HDAC9: variants seen among roughly 807,000 people sequenced by gnomAD.
HDAC9 encodes the protein histone deacetylase 9, also known as MEF-2 interacting transcription repressor (MITR) protein.
A neutral mutation model predicts 139.4 loss-of-function variants in HDAC9; 41 were observed. The observed-to-expected ratio is 0.29, with a 90% CI of 0.23 to 0.38. The LOEUF is 0.38. Among genes scored for constraint, HDAC9 ranks in the 10% least tolerant of loss-of-function variants. The probability of loss-of-function intolerance (pLI) is 1.00; values close to 1 mark genes in which losing one functional copy is unlikely to be tolerated. For missense variants in HDAC9, 1,147 were observed against 1,297.0 expected (o/e 0.88, Z 1.78); for synonymous variants, 517 against 476.2 (o/e 1.09, Z -1.12).
intron 14 of HDAC9, among the ~76,000 whole-genome samples, chr7:18,758,349 AATTAAG>A (rs1464516952): frequency 1.3e-5 from 2 of 152,166 alleles, no homozygotes; most frequent in African/African-American, 4.8e-5. Flanking sequence ...GTACTCCCTA[AATTAAG>A]ATTATCAGAA....
At chr7:18,617,711 A>T (rs984424701) in intron 6 of HDAC9, among the ~76,000 whole-genome samples, 1 of 152,194 alleles carries the variant, frequency 6.6e-6, no homozygotes, top group African/African-American at 2.4e-5. Flanking sequence ...TGAGGACAGT[A>T]TCTTTAGCCT....
intron 22 of HDAC9, among the ~76,000 whole-genome samples, chr7:18,919,543 T>A (rs1259982241): frequency 6.6e-6 from 1 of 152,038 alleles, no homozygotes; most frequent in Non-Finnish European, 1.5e-5. Flanking sequence ...TACAGCCACC[T>A]GATAAAAACA....
intron 2 of HDAC9, among the ~76,000 whole-genome samples, chr7:18,253,452 G>C (rs1795051574): frequency 6.6e-6 from 1 of 152,068 alleles, no homozygotes; most frequent in African/African-American, 2.4e-5. Flanking sequence ...ATTCTTAATG[G>C]TATGAGATGG....
chr7:18,524,967 A>G (rs893824966), intron 2 of HDAC9, among the ~76,000 whole-genome samples: 1 of 152,112 alleles, frequency 6.6e-6, no homozygotes, highest in Non-Finnish European at 1.5e-5. Context: ...TTCTAAATGT[A>G]GTATAATGAT....
intron 17 of HDAC9, among the ~76,000 whole-genome samples, chr7:18,798,926 T>G (rs1284772358): frequency 6.6e-6 from 1 of 152,056 alleles, no homozygotes; most frequent in East Asian, 1.9e-4. Flanking sequence ...AGGAAAGACC[T>G]GAAAAGGCCC....
At chr7:18,311,252 C>G (rs1244891899) in intron 1 of HDAC9, among the ~76,000 whole-genome samples, 2 of 151,810 alleles carry the variant, frequency 1.3e-5, no homozygotes, top group East Asian at 1.9e-4. Flanking sequence ...ATGACAAAAG[C>G]CTTTAACCTT....
chr7:18,936,909 C>A (rs1045925574), intron 23 of HDAC9, among the ~76,000 whole-genome samples: 1 of 151,496 alleles, frequency 6.6e-6, no homozygotes, highest in Non-Finnish European at 1.5e-5. Context: ...ATTTTACAAA[C>A]CTGTAATGTT....
At chr7:18,634,287 T>C (rs1160675395) in intron 7 of HDAC9, among the ~76,000 whole-genome samples, 4 of 152,148 alleles carry the variant, frequency 2.6e-5, no homozygotes, top group Non-Finnish European at 4.4e-5. Flanking sequence ...TTACTGTTAT[T>C]TTCTGTAATA....
intron 13 of HDAC9, among the ~76,000 whole-genome samples, chr7:18,731,787 A>C (rs1346473130): frequency 1.3e-5 from 2 of 151,990 alleles, no homozygotes; most frequent in African/African-American, 4.8e-5. Flanking sequence ...CACCACACCC[A>C]GCTAATTTTT....
rs567940874 is a variant in HDAC9, at chr7:18,500,898, T to C, written c.22+4574T>C. Among the ~76,000 whole-genome samples the C allele has an allele frequency of 7.2e-5, 11 of 151,952 alleles. No individual in the cohort carries two copies. The Middle Eastern group carries it at 0.01, about 141-fold the overall frequency. ...AGAGAATGAGATGAGAAAGGAGATA[T>C]AGATCTCAGGAAATGAATCAAGAAT... is the stretch of plus-strand genomic sequence containing the variant. On this transcript the variant is annotated intron_variant, in intron 2 of 25. Transcript: ENST00000686413.
chr7:18,969,155 G>A (rs1244994768), intron 24 of HDAC9, among the ~76,000 whole-genome samples: 2 of 151,840 alleles, frequency 1.3e-5, no homozygotes, highest in Non-Finnish European at 2.9e-5. Flanking sequence ...CATATATAAG[G>A]TGAAACTCCA....
intron 1 of HDAC9, among the ~76,000 whole-genome samples, chr7:18,144,201 C>T (rs1173592107): frequency 6.6e-6 from 1 of 152,072 alleles, no homozygotes; most frequent in Admixed American, 6.5e-5. Context: ...AAAGGATAAA[C>T]AAGATAAAGT....
At chr7:18,691,691 G>A (rs184132332) in intron 12 of HDAC9, among the ~76,000 whole-genome samples, 7 of 152,130 alleles carry the variant, frequency 4.6e-5, no homozygotes, top group African/African-American at 1.4e-4. Flanking sequence ...CCTACTCTGT[G>A]TGTCATAAAT....
chr7:18,210,993 A>G (rs1005787924), intron 2 of HDAC9, among the ~76,000 whole-genome samples: 1 of 152,180 alleles, frequency 6.6e-6, no homozygotes, highest in African/African-American at 2.4e-5. Flanking sequence ...ATGATGGTAA[A>G]TATGACCACA....
chr7:18,096,883 TTGTGTGTG>T lies in HDAC9; in HGVS notation c.-97+9702_-97+9709del, dbSNP rs59590063. Among the ~76,000 whole-genome samples the T allele has an allele frequency of 2.3e-3, 333 of 145,330 alleles. 2 individuals carry two copies. Among genetic ancestry groups the T allele is most frequent in the Middle Eastern group, 7.0e-3 (2 of 284 alleles). On this transcript the variant is annotated intron_variant, in intron 1 of 12. Transcript: ENST00000417496. Reference sequence around the variant, plus strand: ...TGAAAGAATGGATGACTTGTTGGCTTTGTGTGTGTGTGTGTGTGTGTGTGTGTGTGTGT... The same window carrying T: ...TGAAAGAATGGATGACTTGTTGGCTTTGTGTGTGTGTGTGTGTGTGTGTGT...
chr7:18,562,017 A>G (rs540345875), intron 2 of HDAC9, among the ~76,000 whole-genome samples: 2 of 152,278 alleles, frequency 1.3e-5, no homozygotes, highest in African/African-American at 4.8e-5. Flanking sequence ...CTTTTTGATT[A>G]TAGCCATTCT....
At chr7:18,365,019 G>A in intron 1 of HDAC9, among the ~76,000 whole-genome samples, 1 of 152,056 alleles carries the variant, frequency 6.6e-6, no homozygotes, top group East Asian at 1.9e-4. Context: ...ATGAAGACAT[G>A]GATAGCTAAG....
chr7:18,974,545 T>C (rs764728540), intron 24 of HDAC9, among the ~76,000 whole-genome samples: 4 of 152,210 alleles, frequency 2.6e-5, no homozygotes, highest in Non-Finnish European at 4.4e-5. Context: ...AGAATTGTTA[T>C]TGTTTGGTTC....
intron 17 of HDAC9, among the ~76,000 whole-genome samples, chr7:18,812,996 T>C (rs1353889646): frequency 6.6e-6 from 1 of 152,244 alleles, no homozygotes; most frequent in East Asian, 1.9e-4. Context: ...CATTTAGTTC[T>C]TTTTTACACT....
Sources: allele counts gnomAD v4.1 joint callset (sites outside exome capture counted in the v4.1 genomes callset), GRCh38; gene constraint gnomAD v4.1.1; transcripts MANE v1.5; gene names NCBI Gene and HGNC (gene_info 2026-07-23, HGNC 2026-07-21).